The following PTPRT variants were observed in gnomAD, a reference collection of about 807,000 sequenced individuals.
The protein encoded by PTPRT is protein tyrosine phosphatase receptor type T, also known as receptor-type tyrosine-protein phosphatase T.
Under a neutral mutation model 176.8 loss-of-function variants are expected in PTPRT, and 56 were observed. The observed-to-expected ratio is 0.32, with a 90% confidence interval of 0.26 to 0.40. The LOEUF (loss-of-function observed/expected upper bound fraction) is 0.40, where lower values mean the gene tolerates loss of function less well. Ranked by LOEUF, PTPRT falls within the 10% of genes least tolerant of loss-of-function variation. The probability of loss-of-function intolerance (pLI) is 1.00; values close to 1 mark genes in which losing one functional copy is unlikely to be tolerated. For missense variants in PTPRT, 1,540 were observed against 1,908.2 expected, an observed-to-expected ratio of 0.81 and a Z score of 3.60; for synonymous variants, 783 against 739.0, an observed-to-expected ratio of 1.06 and a Z score of -0.96.
chr20:42,865,265 G>A (rs912033236), intron 2 of PTPRT, among the ~76,000 whole-genome samples: 9 of 152,186 alleles, frequency 5.9e-5, no homozygotes, highest in Non-Finnish European at 7.3e-5. Flanking sequence ...GAGAGACTAA[G>A]CAACTTGCTT....
At chr20:42,374,925 A>T (rs1174584051) in intron 9 of PTPRT, among the ~76,000 whole-genome samples, 1 of 152,212 alleles carries the variant, frequency 6.6e-6, no homozygotes, top group Non-Finnish European at 1.5e-5. Context: ...ACCAATAACC[A>T]AAAACAAAAT....
At chr20:42,550,035 G>T (rs1030977531) in intron 7 of PTPRT, among the ~76,000 whole-genome samples, 33 of 152,182 alleles carry the variant, frequency 2.2e-4, no homozygotes, top group Admixed American at 1.9e-3. Flanking sequence ...GAAGACTGTG[G>T]GCTAATTTGC....
chr20:42,097,300 G>T (rs1985364373), intron 27 of PTPRT, among the ~76,000 whole-genome samples: 1 of 152,022 alleles, frequency 6.6e-6, no homozygotes, highest in South Asian at 2.1e-4. Context: ...ATTCCTCTAG[G>T]TCCCAGCCAC....
intron 1 of PTPRT, among the ~76,000 whole-genome samples, chr20:43,041,597 C>T (rs2425553): frequency 0.32 from 48,184 of 152,030 alleles, 10,581 homozygotes; most frequent in African/African-American, 0.62. Context: ...TCCCTTAGAT[C>T]ATCGTACAAG....
chr20:42,323,757 GTAA>G (rs1348866875), intron 11 of PTPRT, among the ~76,000 whole-genome samples: 5 of 151,520 alleles, frequency 3.3e-5, no homozygotes, highest in Admixed American at 1.3e-4. Context: ...AACTTAAAGT[GTAA>G]TAATAATAAA....
chr20:42,209,944 C>A (rs867065862), intron 15 of PTPRT, among the ~76,000 whole-genome samples: 3,154 of 152,232 alleles, frequency 0.021, 109 homozygotes, highest in African/African-American at 0.072. Context: ...AAAAGCTTAT[C>A]CACCATGATC....
chr20:42,135,916 G>A (rs763614523), intron 18 of PTPRT, among the ~76,000 whole-genome samples: 1 of 152,110 alleles, frequency 6.6e-6, no homozygotes, highest in Non-Finnish European at 1.5e-5. Flanking sequence ...ACCCTTCTAT[G>A]CCACACTTCT....
intron 7 of PTPRT, among the ~76,000 whole-genome samples, chr20:42,614,655 C>A (rs561380197): frequency 1.3e-5 from 2 of 152,256 alleles, no homozygotes; most frequent in South Asian, 4.2e-4. Flanking sequence ...AGAGGCCATC[C>A]CAAAAGAATG....
At chr20:42,227,415 A>G (rs2056039170) in intron 15 of PTPRT, among the ~76,000 whole-genome samples, 1 of 151,960 alleles carries the variant, frequency 6.6e-6, no homozygotes, top group Non-Finnish European at 1.5e-5. Flanking sequence ...AGTGTCACAA[A>G]CAAGTGGGTT....
chr20:42,331,903 C>T (rs183077985), intron 11 of PTPRT, among the ~76,000 whole-genome samples: 9 of 152,274 alleles, frequency 5.9e-5, no homozygotes, highest in Admixed American at 5.9e-4. Flanking sequence ...ACTTCATTTG[C>T]CTTTTTCCAC....
intron 15 of PTPRT, among the ~76,000 whole-genome samples, chr20:42,206,947 G>C (rs1432548498): frequency 6.6e-6 from 1 of 152,176 alleles, no homozygotes; most frequent in Non-Finnish European, 1.5e-5. Flanking sequence ...GGAGATCTGA[G>C]AACCTGCAGA....
At chr20:42,817,163 G>A (rs2077801243) in intron 2 of PTPRT, among the ~76,000 whole-genome samples, 1 of 152,208 alleles carries the variant, frequency 6.6e-6, no homozygotes, top group African/African-American at 2.4e-5. Flanking sequence ...CAGAAAGCCA[G>A]TAGACAACAT....
chr20:42,758,192 T>G (rs943633310), intron 5 of PTPRT, among the ~76,000 whole-genome samples: 1 of 152,220 alleles, frequency 6.6e-6, no homozygotes, highest in African/African-American at 2.4e-5. Flanking sequence ...AGGGAAACCT[T>G]ATGACTTATG....
rs568553273 is a variant in PTPRT, at chr20:42,175,115, A to G, written c.2492-13573T>C. On this transcript the variant is annotated intron_variant, in intron 16 of 30. Transcript: ENST00000373187. ...CCTTCTCCATGTTCTTTTCTCCAAA[A>G]TAAGGCATGAGAACTTTTTCAAAGG... Among the ~76,000 whole-genome samples the G allele has an allele frequency of 2.6e-5, 4 of 152,284 alleles. No homozygotes were observed. In the East Asian group the frequency reaches 7.7e-4, roughly 29 times the overall value.
intron 6 of PTPRT, chr20:42,687,865 T>C (rs1252546265): frequency 2.0e-5 from 3 of 152,242 alleles, no homozygotes; most frequent in Non-Finnish European, 4.4e-5. Flanking sequence ...CAAGGACAAA[T>C]AACATTCTCA....
chr20:42,534,625 G>T (rs1266230156), intron 7 of PTPRT, among the ~76,000 whole-genome samples: 1 of 152,110 alleles, frequency 6.6e-6, no homozygotes, highest in East Asian at 1.9e-4. Flanking sequence ...GACAGAGCGA[G>T]ACTCCATCTC....
intron 7 of PTPRT, among the ~76,000 whole-genome samples, chr20:42,524,471 G>A (rs2072233803): frequency 6.6e-6 from 1 of 151,920 alleles, no homozygotes; most frequent in South Asian, 2.1e-4. Context: ...CTGTTTTCTG[G>A]CTTTCATTGC....
chr20:42,196,599 G>A (rs1991226346), intron 16 of PTPRT, among the ~76,000 whole-genome samples: 1 of 152,196 alleles, frequency 6.6e-6, no homozygotes, highest in South Asian at 2.1e-4. Flanking sequence ...TGCAACAGAG[G>A]TTGGTTTACA....
At chr20:42,404,975 TA>T (rs2058945729) in intron 9 of PTPRT, among the ~76,000 whole-genome samples, 1 of 131,802 alleles carries the variant, frequency 7.6e-6, no homozygotes, top group Non-Finnish European at 1.7e-5. Context: ...CAATTAATTA[TA>T]TATATATATA....
Sources: gnomAD v4.1 joint callset for allele counts (sites outside exome capture counted in the v4.1 genomes callset) on GRCh38, gnomAD v4.1.1 for gene constraint, MANE v1.5 for transcripts, NCBI Gene and HGNC (gene_info 2026-07-23, HGNC 2026-07-21) for gene names.